Variants in THADA observed in about 807,000 individuals in gnomAD.
THADA encodes the protein THADA armadillo repeat containing.
THADA carries 213 observed loss-of-function variants against 219.8 expected under a neutral mutation model. The ratio of observed to expected loss-of-function variants is 0.97; its 90% CI spans 0.87 to 1.09. The LOEUF (loss-of-function observed/expected upper bound fraction) is 1.09. Among genes scored for constraint, THADA ranks in the 50% least tolerant of loss-of-function variants. The pLI, the probability that THADA is intolerant of heterozygous loss-of-function variation, is 0.00. For synonymous variants in THADA, 1,018 were observed against 828.9 expected (o/e 1.23, Z -3.92); for missense variants, 2,956 against 2,311.3 (o/e 1.28, Z -5.72).
intron 35 of THADA, among the ~76,000 whole-genome samples, chr2:43,284,911 G>T (rs946064346): frequency 6.6e-6 from 1 of 152,240 alleles, no homozygotes; most frequent in Non-Finnish European, 1.5e-5. Flanking sequence ...TTATTTTAAA[G>T]CTTTAAGATT....
intron 28 of THADA, among the ~76,000 whole-genome samples, chr2:43,411,967 C>T (rs899445182): frequency 4.6e-5 from 7 of 152,112 alleles, no homozygotes; most frequent in Admixed American, 2.0e-4. Flanking sequence ...GAATACTGGT[C>T]ACATCTTTCA....
intron 34 of THADA, among the ~76,000 whole-genome samples, chr2:43,291,252 C>T (rs752034637): frequency 1.5e-4 from 23 of 151,510 alleles, no homozygotes; most frequent in Non-Finnish European, 2.7e-4. Context: ...GAGTTCGAGA[C>T]CAGCCTGGAC....
At chr2:43,530,628 A>T (rs1426524681) in intron 21 of THADA, among the ~76,000 whole-genome samples, 1 of 152,214 alleles carries the variant, frequency 6.6e-6, no homozygotes, top group Non-Finnish European at 1.5e-5. Context: ...AATGTTGCAG[A>T]TATTAAAACA....
chr2:43,591,056 C>G, intron 3 of THADA, 102 bp from the exon 4 acceptor site: 4 of 1,116,460 alleles, frequency 3.6e-6, no homozygotes, highest in Non-Finnish European at 5.1e-6. Context: ...TACAGTGGCT[C>G]ACCCCTGTAA....
At chr2:43,364,403 T>A (rs561114618) in intron 29 of THADA, among the ~76,000 whole-genome samples, 1 of 152,302 alleles carries the variant, frequency 6.6e-6, no homozygotes, top group Admixed American at 6.5e-5. Flanking sequence ...TTCTTTGTTG[T>A]CAGGTAATTC....
intron 26 of THADA, among the ~76,000 whole-genome samples, chr2:43,468,177 A>G (rs1017976931): frequency 2.6e-5 from 4 of 152,252 alleles, no homozygotes; most frequent in Non-Finnish European, 5.9e-5. Flanking sequence ...CACGGTGACT[A>G]AACATGAATC....
At chr2:43,565,198 G>A (rs1209055664) in intron 15 of THADA, 2 of 152,212 alleles carry the variant, frequency 1.3e-5, no homozygotes, top group Admixed American at 6.5e-5. Context: ...AGCACTTTGG[G>A]AGACTAAGCA....
chr2:43,537,852 G>A (rs1694799006), intron 21 of THADA, among the ~76,000 whole-genome samples: 1 of 150,942 alleles, frequency 6.6e-6, no homozygotes, highest in South Asian at 2.1e-4. Flanking sequence ...AAATATTTGG[G>A]AGGCTTAAGC....
chr2:43,326,509 A>C (rs896767797), intron 30 of THADA, among the ~76,000 whole-genome samples: 1 of 152,184 alleles, frequency 6.6e-6, no homozygotes, highest in Non-Finnish European at 1.5e-5. Context: ...ACATGGCTTA[A>C]TGTGGCCTCC....
intron 19 of THADA, 21 bp downstream of exon 19, chr2:43,551,768 C>A: frequency 6.2e-7 from 1 of 1,606,236 alleles, no homozygotes; most frequent in Non-Finnish European, 8.5e-7. Flanking sequence ...GCACTCTAGC[C>A]GGCCTTCTTC....
intron 25 of THADA, 100 bp from the exon 26 acceptor site, chr2:43,485,425 G>C (rs899753128): frequency 3.7e-6 from 3 of 816,450 alleles, no homozygotes; most frequent in African/African-American, 3.5e-5. Context: ...TTACCTAACT[G>C]GCTAGTGTGA....
At chr2:43,572,126 T>A (rs1699367439) in intron 12 of THADA, among the ~76,000 whole-genome samples, 1 of 152,208 alleles carries the variant, frequency 6.6e-6, no homozygotes, top group Non-Finnish European at 1.5e-5. Flanking sequence ...TTCATTCCTT[T>A]TTCTTTTTTT....
rs777608299 is a variant in THADA, at chr2:43,560,275, C to T, written c.2422G>A (p.Asp808Asn). ...GTTTTTGATAACTTCATCAGAAGAT[C>T]AAATGCTAAAATTTTCACGTCTTCA... ...TFEDVKILAF[D>N]LLMKLSKTAV... is the part of the protein sequence containing the mutation. Residue 808 changes from aspartate to asparagine, a missense_variant, in exon 16 of 38, where the codon GAT becomes AAT. Coordinates refer to ENST00000405975, the MANE Select transcript of THADA (RefSeq NM_022065.5). The T allele has an allele frequency of 1.2e-6, 2 of 1,612,282 alleles. No homozygotes were observed. The highest frequency in any genetic ancestry group is 3.3e-5 in the Admixed American group (2 of 59,790).
intron 36 of THADA, among the ~76,000 whole-genome samples, chr2:43,263,214 C>T (rs1438853263): frequency 6.6e-6 from 1 of 152,156 alleles, no homozygotes; most frequent in Non-Finnish European, 1.5e-5. Context: ...TTCCTCCTTG[C>T]TAATTAATAG....
At chr2:43,382,840 A>AAC (rs1247346305) in intron 29 of THADA, among the ~76,000 whole-genome samples, 1 of 152,206 alleles carries the variant, frequency 6.6e-6, no homozygotes, top group Admixed American at 6.5e-5. Flanking sequence ...TAAGTAACAC[A>AAC]ACACAGTCTT....
At position 43,491,037 on chromosome 2, in the gene THADA, G is replaced by A. The variant is rs190512028; in HGVS notation, c.3745-5712C>T. On this transcript the variant is annotated intron_variant, in intron 25 of 37. Transcript: ENST00000405975. ...CCTACTTCCTACTTAAGACAGAAGA[G>A]TGTCCCCTAGATTTCTGTGTGACAG... 8.6e-4 allele frequency among the ~76,000 whole-genome samples: 131 copies of A among 152,288 alleles called. 1 individual carries two copies. Among genetic ancestry groups the A allele is most frequent in the African/African-American group, 3.1e-3 (129 of 41,568 alleles).
intron 31 of THADA, among the ~76,000 whole-genome samples, chr2:43,303,603 T>C (rs766725993): frequency 2.0e-5 from 3 of 152,008 alleles, no homozygotes; most frequent in Non-Finnish European, 4.4e-5. Flanking sequence ...AAAAGATGCA[T>C]GTTAATCTAA....
chr2:43,291,308 G>A (rs958926122), intron 34 of THADA, among the ~76,000 whole-genome samples: 5 of 151,532 alleles, frequency 3.3e-5, no homozygotes, highest in Non-Finnish European at 7.4e-5. Flanking sequence ...AAAATTAGCC[G>A]GGCGTGCTGG....
chr2:43,537,349 C>T (rs188818192), intron 21 of THADA, among the ~76,000 whole-genome samples: 1 of 152,274 alleles, frequency 6.6e-6, no homozygotes, highest in East Asian at 1.9e-4. Context: ...GTCACAGAAC[C>T]ACATACTATG....
Sources: gnomAD v4.1 joint callset for allele counts (sites outside exome capture counted in the v4.1 genomes callset) on GRCh38, gnomAD v4.1.1 for gene constraint, MANE v1.5 for transcripts, NCBI Gene and HGNC (gene_info 2026-07-23, HGNC 2026-07-21) for gene names.